The following FHOD3 variants were observed in gnomAD, a reference collection of about 807,000 sequenced individuals.
FHOD3 encodes formin homology 2 domain containing 3, also known as FH1/FH2 domain-containing protein 3.
In FHOD3, 90 loss-of-function variants were observed where a neutral mutation model predicts 173.0. The ratio of observed to expected loss-of-function variants is 0.52; its 90% confidence interval spans 0.44 to 0.62. The LOEUF (loss-of-function observed/expected upper bound fraction) is 0.62, where lower values mean the gene tolerates loss of function less well. Among genes scored for constraint, FHOD3 ranks in the 20% least tolerant of loss-of-function variants. The probability of loss-of-function intolerance (pLI) is 0.00; values close to 1 mark genes in which losing one functional copy is unlikely to be tolerated. For synonymous variants in FHOD3, 828 were observed against 823.0 expected, an observed-to-expected ratio of 1.01 and a Z score of -0.10; for missense variants, 1,945 against 2,034.7, an observed-to-expected ratio of 0.96 and a Z score of 0.85.
At chr18:36,699,743 C>G (rs1210381718) in intron 17 of FHOD3, among the ~76,000 whole-genome samples, 1 of 152,218 alleles carries the variant, frequency 6.6e-6, no homozygotes, top group Non-Finnish European at 1.5e-5. Flanking sequence ...CTCACGTTGA[C>G]TTTCTGGTAC....
At position 36,718,414 on chromosome 18, in the gene FHOD3, C is replaced by T; in HGVS notation, c.3116C>T (p.Pro1039Leu). 1 of 1,594,742 alleles carries T rather than the reference C, an allele frequency of 6.3e-7. No homozygotes were observed. The highest frequency in any genetic ancestry group is 1.1e-5 in the South Asian group (1 of 90,140). Reference protein sequence around the residue: ...FLGLPPPPPPPLLDSIPPPPV... With the variant: ...FLGLPPPPPPLLLDSIPPPPV... ...GGTTTGCCGCCCCCACCCCCTCCGC[C>T]CCTGTTGGACAGCATTCCTCCCCCT... Residue 1039 changes from proline (P) to leucine (L), a missense_variant, in exon 19 of 29, where the codon CCC (proline) becomes CTC (leucine). By Grantham distance (98) the Pro-to-Leu change is moderately conservative. Coordinates refer to ENST00000590592, the MANE Select transcript of FHOD3 (RefSeq NM_001281740.3).
Position 36,695,180 on chromosome 18 carries a change from T to TA in FHOD3, c.2236+1769dup, listed in dbSNP as rs537635100. On this transcript the variant is annotated intron_variant, in intron 17 of 28. Coordinates refer to ENST00000590592, the MANE Select transcript of FHOD3 (RefSeq NM_001281740.3). ...CAACGTGGAGAAAACCGGTCTCTGC[T>TA]AAAAAAAAAAAATACAAAAAAATTA... 7.3e-3 allele frequency among the ~76,000 whole-genome samples: 1,054 copies of TA among 143,944 alleles called. 3 individuals carry two copies. The highest frequency in any genetic ancestry group is 0.012 in the African/African-American group (474 of 39,130). The allele number at this position is 143,944 out of a possible 152,430, so 94.4% of individuals were successfully genotyped here.
At chr18:36,611,557 T>C (rs1349904198) in intron 8 of FHOD3, among the ~76,000 whole-genome samples, 1 of 152,196 alleles carries the variant, frequency 6.6e-6, no homozygotes, top group Non-Finnish European at 1.5e-5. Flanking sequence ...CTAAGCCTTC[T>C]TTTAAAGGGC....
At chr18:36,313,345 G>C (rs1007147119) in intron 1 of FHOD3, among the ~76,000 whole-genome samples, 1 of 152,144 alleles carries the variant, frequency 6.6e-6, no homozygotes, top group Non-Finnish European at 1.5e-5. Context: ...AGTCCTATGA[G>C]TTTTCATATA....
At chr18:36,739,640 G>C (rs75570103) in intron 20 of FHOD3, among the ~76,000 whole-genome samples, 1 of 152,038 alleles carries the variant, frequency 6.6e-6, no homozygotes, top group Non-Finnish European at 1.5e-5. Flanking sequence ...TTCTATCTTC[G>C]ATTGCTTTCA....
chr18:36,488,628 G>A (rs996752658), intron 3 of FHOD3, among the ~76,000 whole-genome samples: 2 of 152,216 alleles, frequency 1.3e-5, no homozygotes, highest in Non-Finnish European at 2.9e-5. Flanking sequence ...AGTCTTTACT[G>A]AGTATCTAGC....
rs2091833010 is a variant in FHOD3 at position 36,297,797 on chromosome 18, C to T, written c.-39C>T. 7 of 1,474,366 alleles carry T rather than the reference C, an allele frequency of 4.7e-6. No homozygotes were observed. The East Asian group carries it at 2.1e-4, about 45-fold the overall frequency. 91.3% of individuals were successfully genotyped at this position (1,474,366 alleles called of 1,614,324 possible). On this transcript the variant is annotated 5_prime_UTR_variant, in exon 1 of 29. Transcript: ENST00000590592. ...CCGGGCGTCCCGGCCCGCGGCCCCG[C>T]TAACCCCGGGGCCCGCGCCCCCGCG...
At chr18:36,626,300 C>T (rs2034104532) in intron 10 of FHOD3, among the ~76,000 whole-genome samples, 2 of 152,066 alleles carry the variant, frequency 1.3e-5, no homozygotes, top group Admixed American at 1.3e-4. Context: ...TACTTGAAGC[C>T]ATGAAGATAC....
intron 3 of FHOD3, among the ~76,000 whole-genome samples, chr18:36,395,987 A>T (rs2048537899): frequency 6.6e-6 from 1 of 152,178 alleles, no homozygotes; most frequent in African/African-American, 2.4e-5. Flanking sequence ...TTCTTTAGAA[A>T]GGTCTCTGAA....
intron 1 of FHOD3, among the ~76,000 whole-genome samples, chr18:36,338,996 C>T (rs925752952): frequency 2.6e-5 from 4 of 152,196 alleles, no homozygotes; most frequent in African/African-American, 9.6e-5. Flanking sequence ...GGTTTTCAGC[C>T]CAGCCTGAGA....
intron 5 of FHOD3, among the ~76,000 whole-genome samples, chr18:36,567,120 G>C (rs2147800613): frequency 6.6e-6 from 1 of 152,314 alleles, no homozygotes; most frequent in East Asian, 1.9e-4. Context: ...TAGGCAGGAT[G>C]AGGAGTATCT....
chr18:36,609,141 A>G (rs1319604689), intron 8 of FHOD3, among the ~76,000 whole-genome samples: 1 of 152,230 alleles, frequency 6.6e-6, no homozygotes, highest in Non-Finnish European at 1.5e-5. Context: ...AAAAAACAGG[A>G]GGAGGGATAC....
chr18:36,419,208 T>G (rs758058570), intron 3 of FHOD3, among the ~76,000 whole-genome samples: 49 of 151,822 alleles, frequency 3.2e-4, no homozygotes, highest in Non-Finnish European at 6.8e-4. Flanking sequence ...ATTTGCCGTC[T>G]TCTCCTTGGT....
chr18:36,471,137 G>A (rs903984774), intron 3 of FHOD3, among the ~76,000 whole-genome samples: 1 of 152,202 alleles, frequency 6.6e-6, no homozygotes, highest in African/African-American at 2.4e-5. Flanking sequence ...TGGAGAGGGC[G>A]TGCATTTGGG....
intron 8 of FHOD3, among the ~76,000 whole-genome samples, chr18:36,608,081 G>T (rs2032273952): frequency 6.6e-6 from 1 of 152,118 alleles, no homozygotes; most frequent in Non-Finnish European, 1.5e-5. Flanking sequence ...GCCTCTACCT[G>T]TTACCCAATT....
chr18:36,454,805 G>A (rs949599035), intron 3 of FHOD3, among the ~76,000 whole-genome samples: 11 of 151,998 alleles, frequency 7.2e-5, no homozygotes, highest in African/African-American at 2.7e-4. Context: ...ATCTAACTGC[G>A]CCTTTTAAAA....
chr18:36,762,746 A>C (rs1005149644), intron 27 of FHOD3, among the ~76,000 whole-genome samples: 16 of 151,074 alleles, frequency 1.1e-4, no homozygotes, highest in African/African-American at 3.4e-4. Flanking sequence ...CAGTGAGCCA[A>C]GATGGCGCCA....
chr18:36,361,410 G>T (rs927366109), intron 2 of FHOD3, among the ~76,000 whole-genome samples: 1 of 152,072 alleles, frequency 6.6e-6, no homozygotes, highest in African/African-American at 2.4e-5. Flanking sequence ...TCCAGGCTGG[G>T]CATGGTGGCT....
At chr18:36,379,958 A>T (rs2047653174) in intron 3 of FHOD3, among the ~76,000 whole-genome samples, 2 of 152,190 alleles carry the variant, frequency 1.3e-5, no homozygotes, top group South Asian at 4.1e-4. Context: ...ATGGTTCAAA[A>T]ATGTCTTGCT....
Sources: allele counts gnomAD v4.1 joint callset (sites outside exome capture counted in the v4.1 genomes callset), GRCh38; gene constraint gnomAD v4.1.1; transcripts MANE v1.5; gene names NCBI Gene and HGNC (gene_info 2026-07-23, HGNC 2026-07-21).